OCA2: variants seen among roughly 807,000 people sequenced by gnomAD.
OCA2 encodes the protein P protein.
A neutral mutation model predicts 100.2 loss-of-function variants in OCA2; 77 were observed. The observed-to-expected ratio is 0.77, with a 90% confidence interval of 0.64 to 0.93. OCA2 has a LOEUF of 0.93. Among genes scored for constraint, OCA2 ranks in the 40% least tolerant of loss-of-function variants. The pLI is 0.00. For missense variants in OCA2, 1,062 were observed against 1,089.1 expected, an observed-to-expected ratio of 0.98 and a Z score of 0.35; for synonymous variants, 432 against 439.2, an observed-to-expected ratio of 0.98 and a Z score of 0.21.
At chr15:27,756,028 C>T (rs921006263) in intron 23 of OCA2, among the ~76,000 whole-genome samples, 1 of 152,196 alleles carries the variant, frequency 6.6e-6, no homozygotes, top group Non-Finnish European at 1.5e-5. Flanking sequence ...GGAGGGTATG[C>T]ACAGATACAA....
At chr15:27,927,357 A>G (rs1429728934) in intron 18 of OCA2, among the ~76,000 whole-genome samples, 1 of 152,182 alleles carries the variant, frequency 6.6e-6, no homozygotes, top group Non-Finnish European at 1.5e-5. Context: ...AATGTGTAGT[A>G]GTATGCTAGT....
chr15:28,070,531 A>T lies in OCA2; in HGVS notation c.227+11117T>A, dbSNP rs2044219613. Among the ~76,000 whole-genome samples, 4 of 130,308 alleles carry T rather than the reference A, an allele frequency of 3.1e-5. No homozygotes were observed. The South Asian group carries it at 8.1e-4, about 26-fold the overall frequency. 85.5% of individuals were successfully genotyped at this position (130,308 alleles called of 152,430 possible). On this transcript the variant is annotated intron_variant, in intron 2 of 23. Coordinates refer to ENST00000354638, the MANE Select transcript of OCA2 (RefSeq NM_000275.3). ...CGCCTGGCCAGCCGCCCCGTCCGGG[A>T]GGGAGGTGGGGGGGTCAGCCCTCCG...
intron 23 of OCA2, among the ~76,000 whole-genome samples, chr15:27,807,615 G>A (rs547793466): frequency 6.3e-4 from 96 of 152,188 alleles, no homozygotes; most frequent in African/African-American, 2.3e-3. Flanking sequence ...AACAAATTAT[G>A]GCCTGGAGAC....
At chr15:27,859,959 T>C (rs2036072213) in intron 21 of OCA2, among the ~76,000 whole-genome samples, 1 of 152,188 alleles carries the variant, frequency 6.6e-6, no homozygotes, top group Non-Finnish European at 1.5e-5. Context: ...AGAAATGTGA[T>C]GAAAGTTATA....
chr15:27,879,927 G>T (rs1271764540), intron 19 of OCA2, among the ~76,000 whole-genome samples: 5 of 151,988 alleles, frequency 3.3e-5, no homozygotes, highest in African/African-American at 9.7e-5. Flanking sequence ...ATCTATGTTT[G>T]TGCCTATGTC....
chr15:27,932,146 G>A (rs1386268663), intron 18 of OCA2, among the ~76,000 whole-genome samples: 1 of 152,180 alleles, frequency 6.6e-6, no homozygotes, highest in Non-Finnish European at 1.5e-5. Context: ...ACAATATATG[G>A]GGACTGAGAG....
intron 1 of OCA2, among the ~76,000 whole-genome samples, chr15:28,083,886 T>C (rs2044725857): frequency 6.6e-6 from 1 of 152,174 alleles, no homozygotes; most frequent in Non-Finnish European, 1.5e-5. Context: ...CATTGACAAT[T>C]CCAGGGCGCC....
chr15:28,065,234 C>T (rs1374526003), intron 2 of OCA2, among the ~76,000 whole-genome samples: 3 of 152,082 alleles, frequency 2.0e-5, no homozygotes, highest in African/African-American at 7.2e-5. Flanking sequence ...ATGGTCTTTT[C>T]TGAGCATGCA....
intron 19 of OCA2, among the ~76,000 whole-genome samples, chr15:27,879,780 A>T (rs1411056286): frequency 2.6e-5 from 4 of 151,882 alleles, no homozygotes; most frequent in Non-Finnish European, 5.9e-5. Flanking sequence ...GAGTGCAAAA[A>T]TTTTCTCCCA....
downstream of OCA2, among the ~76,000 whole-genome samples, chr15:27,752,870 G>C (rs1420119322): frequency 7.3e-6 from 1 of 136,152 alleles, no homozygotes; most frequent in Non-Finnish European, 1.5e-5. Context: ...ACCATCCCTG[G>C]CTGCAGTCAC....
chr15:28,070,874 T>G (rs983155770), intron 2 of OCA2, among the ~76,000 whole-genome samples: 1 of 141,658 alleles, frequency 7.1e-6, no homozygotes, highest in Admixed American at 7.1e-5. Context: ...CCCAACCCTG[T>G]GCTCTCTGAA....
chr15:27,730,740 TATATATATA>T, the OCA2 span, among the ~76,000 whole-genome samples: 45 of 19,608 alleles, frequency 2.3e-3, no homozygotes, highest in African/African-American at 7.4e-3. Flanking sequence ...CAAATATATA[TATATATATA>T]TATATATATA....
intron 1 of OCA2, among the ~76,000 whole-genome samples, chr15:28,093,884 G>C (rs939317721): frequency 3.3e-5 from 5 of 152,130 alleles, no homozygotes; most frequent in Non-Finnish European, 7.4e-5. Flanking sequence ...TTCTTGAAAC[G>C]GCAAAGTTAT....
chr15:28,026,963 C>T (rs1465890756), intron 4 of OCA2, among the ~76,000 whole-genome samples: 2 of 152,210 alleles, frequency 1.3e-5, no homozygotes. Flanking sequence ...GACAGGGTAC[C>T]GTCGCGTGGC....
intron 23 of OCA2, among the ~76,000 whole-genome samples, chr15:27,793,406 T>TA (rs11431064): frequency 0.51 from 75,626 of 147,902 alleles, 19,642 homozygotes; most frequent in African/African-American, 0.61. Context: ...CTTCCACCAT[T>TA]AAAAAAAAAA....
In OCA2 at chr15:27,948,415, A is replaced by G. The variant is rs527688125; in HGVS notation, c.1951+3369T>C. 3.3e-5 allele frequency among the ~76,000 whole-genome samples: 5 copies of G among 152,276 alleles called. No individual in the cohort carries two copies. In the East Asian group the frequency reaches 7.7e-4, roughly 23 times the overall value. Reference sequence around the variant, plus strand: ...TAAAACCCTAAGTTCACAGAAAACCATGTGCTCAGAAGTGTCTGGAGTAGT... The same window carrying G: ...TAAAACCCTAAGTTCACAGAAAACCGTGTGCTCAGAAGTGTCTGGAGTAGT... On this transcript the variant is annotated intron_variant, in intron 18 of 23. Coordinates refer to ENST00000354638, the MANE Select transcript of OCA2 (RefSeq NM_000275.3).
chr15:28,082,468 G>A (rs2044675256), intron 1 of OCA2, among the ~76,000 whole-genome samples: 1 of 152,148 alleles, frequency 6.6e-6, no homozygotes, highest in South Asian at 2.1e-4. Context: ...CCACCAGAAG[G>A]AACCAACTCC....
rs184204200 is a variant in OCA2 at position 27,889,578 on chromosome 15, C to T, written c.2080-17656G>A. ...TTTCTCCTTCACACTTCTGAGTCACCGTGGGAAAGTGTATCAGCCAGTGCC... is the reference window on the plus strand; with the variant it reads ...TTTCTCCTTCACACTTCTGAGTCACTGTGGGAAAGTGTATCAGCCAGTGCC... On this transcript the variant is annotated intron_variant, in intron 19 of 23. Coordinates refer to ENST00000354638, the MANE Select transcript of OCA2 (RefSeq NM_000275.3). 2.2e-3 allele frequency among the ~76,000 whole-genome samples: 334 copies of T among 152,268 alleles called. 1 individual carries two copies. The highest frequency in any genetic ancestry group is 7.7e-3 in the African/African-American group (321 of 41,578).
In OCA2 at chr15:27,926,630, T is replaced by G. The variant is rs1007359004; in HGVS notation, c.1952-376A>C. On this transcript the variant is annotated intron_variant, in intron 18 of 23. Coordinates refer to ENST00000354638, the MANE Select transcript of OCA2 (RefSeq NM_000275.3). Reference sequence around the variant, plus strand: ...CCATAGTTTTTTGTTGTTGTTGTTTTGGGGGCCTTTTTGAGACACAGTTTT... The same window carrying G: ...CCATAGTTTTTTGTTGTTGTTGTTTGGGGGGCCTTTTTGAGACACAGTTTT... Among the ~76,000 whole-genome samples, 11 of 152,288 alleles carry G rather than the reference T, an allele frequency of 7.2e-5. No homozygotes were observed. The South Asian group carries it at 8.3e-4, about 11-fold the overall frequency.
Sources: gnomAD v4.1 joint callset for allele counts (sites outside exome capture counted in the v4.1 genomes callset) on GRCh38, gnomAD v4.1.1 for gene constraint, MANE v1.5 for transcripts, NCBI Gene and HGNC (gene_info 2026-07-23, HGNC 2026-07-21) for gene names.